Variants in HDAC9 observed in about 807,000 individuals in gnomAD.
HDAC9 encodes the protein histone deacetylase 9.
Under a neutral mutation model 139.4 loss-of-function variants are expected in HDAC9, and 41 were observed. The ratio of observed to expected loss-of-function variants is 0.29; its 90% CI spans 0.23 to 0.38. HDAC9 has a LOEUF of 0.38. HDAC9 is among the 10% of genes least tolerant of loss of function. HDAC9 has a pLI of 1.00. For synonymous variants in HDAC9, 517 were observed against 476.2 expected (o/e 1.09, Z -1.12); for missense variants, 1,147 against 1,297.0 (o/e 0.88, Z 1.78).
Position 18,878,849 on chromosome 7 carries a change from T to C in HDAC9, c.2803+4253T>C, listed in dbSNP as rs185342760. Among the ~76,000 whole-genome samples, 303 of 152,156 alleles carry C rather than the reference T, an allele frequency of 2.0e-3. 2 individuals carry two copies. Among genetic ancestry groups the C allele is most frequent in the African/African-American group, 7.0e-3 (291 of 41,508 alleles). ...GAGAAGGAAATAAAGGGCATCCAAA[T>C]AGGAAGAGAGGAAGTCAAACTCCCT... is the stretch of plus-strand genomic sequence containing the variant. On this transcript the variant is annotated intron_variant, in intron 22 of 25. Coordinates refer to ENST00000686413, the MANE Select transcript of HDAC9 (RefSeq NM_178425.4).
intron 12 of HDAC9, among the ~76,000 whole-genome samples, chr7:18,705,686 A>G (rs1584881056): frequency 6.6e-6 from 1 of 151,686 alleles, no homozygotes; most frequent in Non-Finnish European, 1.5e-5. Context: ...CCCCGTTTCT[A>G]CTAAAAAAAT....
chr7:18,973,126 C>T (rs891004018), intron 24 of HDAC9, among the ~76,000 whole-genome samples: 2 of 152,186 alleles, frequency 1.3e-5, no homozygotes, highest in African/African-American at 4.8e-5. Flanking sequence ...CACTACCAGA[C>T]ATTGCCTAAA....
chr7:18,361,895 C>G (rs1009326445), intron 1 of HDAC9, among the ~76,000 whole-genome samples: 1 of 152,154 alleles, frequency 6.6e-6, no homozygotes, highest in Admixed American at 6.5e-5. Context: ...ACATGATATG[C>G]TATTTTCCTC....
intron 22 of HDAC9, among the ~76,000 whole-genome samples, chr7:18,881,151 G>A (rs1312815069): frequency 2.6e-5 from 4 of 152,028 alleles, no homozygotes; most frequent in Admixed American, 1.3e-4. Context: ...AATACACAAG[G>A]CCATGTTGTC....
At chr7:18,782,259 G>A (rs748061379) in intron 16 of HDAC9, among the ~76,000 whole-genome samples, 6 of 152,060 alleles carry the variant, frequency 3.9e-5, no homozygotes, top group Non-Finnish European at 1.5e-5. Flanking sequence ...CATGCACAGT[G>A]CATATGAAAC....
At chr7:18,525,223 A>AAAAAC (rs1806435611) in intron 2 of HDAC9, among the ~76,000 whole-genome samples, 1 of 152,182 alleles carries the variant, frequency 6.6e-6, no homozygotes, top group South Asian at 2.1e-4. Context: ...TGACAGCTGA[A>AAAAAC]AAAACATGTA....
chr7:18,306,906 A>G (rs1798949590), intron 1 of HDAC9, among the ~76,000 whole-genome samples: 1 of 149,824 alleles, frequency 6.7e-6, no homozygotes, highest in Admixed American at 6.7e-5. Flanking sequence ...CTGTTTCCAA[A>G]CTCCCTCATG....
intron 2 of HDAC9, among the ~76,000 whole-genome samples, chr7:18,219,868 G>A (rs1193015480): frequency 6.6e-6 from 1 of 152,192 alleles, no homozygotes; most frequent in Non-Finnish European, 1.5e-5. Flanking sequence ...CAAGGCAGGA[G>A]CAGAGTGTAG....
In HDAC9 at chr7:18,648,566, C is replaced by T. The variant is rs769142676; in HGVS notation, c.1350C>T (p.Asn450=). ...THKLPRHRPL[N]RTQSAPLPQS... ...AATTGCCCCGTCACAGACCCCTGAA[C>T]CGAACCCAGTCTGCACCTTTGCCTC... is the stretch of plus-strand genomic sequence containing the variant. Residue 450 remains asparagine, a synonymous_variant, in exon 11 of 26, where the codon AAC becomes AAT. Coordinates refer to ENST00000686413, the MANE Select transcript of HDAC9 (RefSeq NM_178425.4). 5 of 1,613,628 alleles carry T rather than the reference C, an allele frequency of 3.1e-6. No individual in the cohort carries two copies. Among genetic ancestry groups the T allele is most frequent in the Non-Finnish European group, 4.2e-6 (5 of 1,179,752 alleles).
At chr7:18,962,182 T>C (rs971028531) in intron 24 of HDAC9, among the ~76,000 whole-genome samples, 21 of 152,214 alleles carry the variant, frequency 1.4e-4, no homozygotes, top group Non-Finnish European at 2.1e-4. Context: ...TTTAAAGCCC[T>C]GACTGTTGTC....
chr7:18,206,521 A>G (rs1454874354), intron 2 of HDAC9, among the ~76,000 whole-genome samples: 1 of 152,174 alleles, frequency 6.6e-6, no homozygotes, highest in African/African-American at 2.4e-5. Flanking sequence ...TATATACAAG[A>G]TCCTTGGCCA....
At chr7:18,700,170 A>G (rs773593069) in intron 12 of HDAC9, among the ~76,000 whole-genome samples, 1 of 152,202 alleles carries the variant, frequency 6.6e-6, no homozygotes, top group Non-Finnish European at 1.5e-5. Flanking sequence ...AGGTTTTGAG[A>G]TCTTAGAGCA....
chr7:18,203,735 C>T (rs1791297628), intron 2 of HDAC9, among the ~76,000 whole-genome samples: 1 of 152,192 alleles, frequency 6.6e-6, no homozygotes, highest in African/African-American at 2.4e-5. Flanking sequence ...TTTTAATTTT[C>T]TTTCCTCCCA....
At chr7:18,160,366 C>G (rs1402142479) in intron 1 of HDAC9, among the ~76,000 whole-genome samples, 1 of 152,140 alleles carries the variant, frequency 6.6e-6, no homozygotes, top group Non-Finnish European at 1.5e-5. Flanking sequence ...ATGACTAAAT[C>G]TTGAAGCTCA....
intron 2 of HDAC9, among the ~76,000 whole-genome samples, chr7:18,547,561 C>G (rs62446987): frequency 0.2 from 29,855 of 152,112 alleles, 3,650 homozygotes; most frequent in Non-Finnish European, 0.27. Flanking sequence ...TAAAATAAGA[C>G]AACAATGAAG....
chr7:18,579,609 A>T (rs1455813921), intron 2 of HDAC9, among the ~76,000 whole-genome samples: 5 of 152,178 alleles, frequency 3.3e-5, no homozygotes, highest in Non-Finnish European at 7.4e-5. Flanking sequence ...CCCAGGTAAA[A>T]ATAACGTAGG....
chr7:18,284,793 A>T (rs1414383392), intron 2 of HDAC9, among the ~76,000 whole-genome samples: 1 of 152,116 alleles, frequency 6.6e-6, no homozygotes, highest in African/African-American at 2.4e-5. Flanking sequence ...TTTCTTCTTC[A>T]TTTGATTTAA....
chr7:18,650,227 A>G (rs770086440), intron 11 of HDAC9, among the ~76,000 whole-genome samples: 2 of 152,168 alleles, frequency 1.3e-5, no homozygotes, highest in East Asian at 3.9e-4. Context: ...TGTTTAGTGC[A>G]AGAAATGTAT....
At position 18,274,006 on chromosome 7, in the gene HDAC9, A is replaced by G. The variant is rs1246104560; in HGVS notation, c.25+111657A>G. Among the ~76,000 whole-genome samples the G allele has an allele frequency of 2.6e-5, 4 of 152,330 alleles. No homozygotes were observed. The East Asian group carries it at 7.7e-4, about 29-fold the overall frequency. ...GGAATGTAAATTGGTGACACCTGGG[A>G]GAAAATTTCACCTATATATGTAGTA... On this transcript the variant is annotated intron_variant, in intron 2 of 12. Transcript: ENST00000417496.
Sources: gnomAD v4.1 joint callset for allele counts (sites outside exome capture counted in the v4.1 genomes callset) on GRCh38, gnomAD v4.1.1 for gene constraint, MANE v1.5 for transcripts, NCBI Gene and HGNC (gene_info 2026-07-23, HGNC 2026-07-21) for gene names.